LCORL: variants seen among roughly 807,000 people sequenced by gnomAD.
LCORL encodes the protein ligand dependent nuclear receptor corepressor like.
LCORL carries 41 observed loss-of-function variants against 141.8 expected under a neutral mutation model. The observed-to-expected ratio is 0.29, with a 90% confidence interval of 0.23 to 0.38. LCORL has a LOEUF of 0.38. Ranked by LOEUF, LCORL falls within the 10% of genes least tolerant of loss-of-function variation. The pLI, the probability that LCORL is intolerant of heterozygous loss-of-function variation, is 1.00. For synonymous variants in LCORL, 618 were observed against 694.1 expected (o/e 0.89, Z 1.72); for missense variants, 1,759 against 2,035.0 (o/e 0.86, Z 2.61).
At chr4:17,846,911 C>A (rs753044625) in intron 7 of LCORL, among the ~76,000 whole-genome samples, 1 of 152,100 alleles carries the variant, frequency 6.6e-6, no homozygotes, top group Non-Finnish European at 1.5e-5. Flanking sequence ...TCTGATAACC[C>A]CCTCTAGATC....
chr4:17,939,464 G>A (rs1737468337), intron 4 of LCORL, among the ~76,000 whole-genome samples: 1 of 151,944 alleles, frequency 6.6e-6, no homozygotes, highest in Non-Finnish European at 1.5e-5. Context: ...CTACTCATAG[G>A]TATTTTCCCA....
chr4:17,912,109 G>A (rs1732648019), intron 4 of LCORL: 2 of 767,622 alleles, frequency 2.6e-6, no homozygotes, highest in East Asian at 2.5e-5. Context: ...GGACGTGAGG[G>A]CTCAAATTTT....
intron 2 of LCORL, among the ~76,000 whole-genome samples, chr4:17,969,708 T>A (rs1271720567): frequency 1.3e-5 from 2 of 152,156 alleles, no homozygotes; most frequent in African/African-American, 2.4e-5. Context: ...TTCTTTAGAT[T>A]TTTCCTTTGT....
At chr4:17,954,849 G>A (rs1205093214) in intron 4 of LCORL, among the ~76,000 whole-genome samples, 2 of 152,164 alleles carry the variant, frequency 1.3e-5, no homozygotes, top group South Asian at 2.1e-4. Context: ...AAAAAGCTGG[G>A]GAAGGGAAAT....
At chr4:17,881,621 T>A in intron 6 of LCORL, 1 of 980,772 alleles carries the variant, frequency 1.0e-6, no homozygotes, top group Non-Finnish European at 1.2e-6. Context: ...AAGTTTTTGG[T>A]CAGGTCATCT....
intron 1 of LCORL, among the ~76,000 whole-genome samples, chr4:17,996,279 T>C (rs1720912834): frequency 6.6e-6 from 1 of 152,100 alleles, no homozygotes; most frequent in Non-Finnish European, 1.5e-5. Flanking sequence ...CACTGATATG[T>C]ATCATTTTAT....
At chr4:17,912,256 A>C in intron 4 of LCORL, 1 of 711,996 alleles carries the variant, frequency 1.4e-6, no homozygotes, top group East Asian at 2.7e-5. Flanking sequence ...GGGCTCCTGC[A>C]AGGTCACTGA....
intron 5 of LCORL, among the ~76,000 whole-genome samples, chr4:17,898,653 T>A (rs1263219292): frequency 2.1e-4 from 3 of 14,480 alleles, no homozygotes; most frequent in Admixed American, 6.1e-4. Context: ...ATTCTCACCG[T>A]TTTTTTTTTT....
chr4:17,950,656 T>C (rs1446917451), intron 4 of LCORL, among the ~76,000 whole-genome samples: 3 of 152,178 alleles, frequency 2.0e-5, no homozygotes, highest in Non-Finnish European at 4.4e-5. Flanking sequence ...GCAAAAGTCT[T>C]ACATCTTGCT....
exon 7 of LCORL, chr4:17,877,310 T>C: frequency 8.2e-7 from 1 of 1,226,620 alleles, no homozygotes; most frequent in Non-Finnish European, 1.0e-6. Flanking sequence ...AATCATTATA[T>C]GTATTATAAT....
At chr4:17,962,992 T>C in exon 3 of LCORL, 1 of 1,596,096 alleles carries the variant, frequency 6.3e-7, no homozygotes, top group Non-Finnish European at 8.5e-7. Flanking sequence ...TCTCTGTAGG[T>C]TACAAAATGA....
intron 4 of LCORL, among the ~76,000 whole-genome samples, chr4:17,940,172 GTATATA>G (rs34121096): frequency 7.0e-6 from 1 of 143,032 alleles, no homozygotes; most frequent in Non-Finnish European, 1.5e-5. Context: ...ATGTATACAT[GTATATA>G]TATATATATA....
At chr4:17,987,506 CACT>C (rs1266736679) in intron 1 of LCORL, among the ~76,000 whole-genome samples, 1 of 152,074 alleles carries the variant, frequency 6.6e-6, no homozygotes, top group Non-Finnish European at 1.5e-5. Flanking sequence ...TTGTGAATAA[CACT>C]ACTATGAAAT....
chr4:17,885,507 TA>T (rs59813189), intron 6 of LCORL, among the ~76,000 whole-genome samples: 1 of 151,422 alleles, frequency 6.6e-6, no homozygotes, highest in East Asian at 1.9e-4. Context: ...AAAAAAGTTG[TA>T]AAAAAAAATC....
chr4:17,912,136 A>G lies in LCORL; in HGVS notation c.431-2791T>C, dbSNP rs1283222874. The G allele has an allele frequency of 2.7e-5, 26 of 968,826 alleles. No homozygotes were observed. The Admixed American group carries it at 4.3e-4, about 16-fold the overall frequency. 60.0% of individuals were successfully genotyped at this position (968,826 alleles called of 1,614,324 possible). A position where few individuals can be genotyped will look rare whatever the true frequency, so the allele number is the denominator to read the frequency against. On this transcript the variant is annotated intron_variant, in intron 4 of 7. Transcript: ENST00000635767. Reference sequence around the variant, plus strand: ...TCAAATTTTCGCAAATACTGTGGACAATGCCCGCATTGTTCTGCAGATCGA... The same window carrying G: ...TCAAATTTTCGCAAATACTGTGGACGATGCCCGCATTGTTCTGCAGATCGA...
rs1722639926 is a variant in LCORL at position 17,843,587 on chromosome 4, G to GCAT, written c.*2298_*2300dup. On this transcript the variant is annotated 3_prime_UTR_variant, in exon 8 of 8. Transcript: ENST00000635767. The stretch of plus-strand genomic sequence containing the variant: ...TGGCCTGTATTAAAGCAGTAGAGCA[G>GCAT]CATCAGTTATTATAGTCCAGAAAAA... The GCAT allele has an allele frequency of 7.7e-6, 5 of 647,920 alleles. No homozygotes were observed. In the Admixed American group the frequency reaches 1.5e-4, roughly 20 times the overall value. The allele number at this position is 647,920 out of a possible 1,614,324, so 40.1% of individuals were successfully genotyped here.
At chr4:17,901,161 A>G (rs1056240815) in intron 5 of LCORL, among the ~76,000 whole-genome samples, 10 of 152,036 alleles carry the variant, frequency 6.6e-5, no homozygotes, top group Non-Finnish European at 1.5e-5. Flanking sequence ...GGCTTATATG[A>G]AGAAAAAAAA....
chr4:17,947,114 G>GGAA (rs1739005845), intron 4 of LCORL, among the ~76,000 whole-genome samples: 2 of 151,966 alleles, frequency 1.3e-5, no homozygotes, highest in Non-Finnish European at 2.9e-5. Context: ...CAAGCTAAGT[G>GGAA]TCCAGCCGCA....
chr4:17,966,973 G>A (rs915241293), intron 2 of LCORL, among the ~76,000 whole-genome samples: 1 of 152,156 alleles, frequency 6.6e-6, no homozygotes, highest in Non-Finnish European at 1.5e-5. Flanking sequence ...ATTTGCCTGT[G>A]TTTATAGCAG....
Sources: allele counts gnomAD v4.1 joint callset (sites outside exome capture counted in the v4.1 genomes callset), GRCh38; gene constraint gnomAD v4.1.1; transcripts MANE v1.5; gene names NCBI Gene and HGNC (gene_info 2026-07-23, HGNC 2026-07-21).